Variants in MEG3 observed in about 807,000 individuals in gnomAD.
The protein encoded by MEG3 is Very putative protein from MEG3 locus.
chr14:100,854,495 T>C (rs2038179360), upstream of MEG3: 1 of 152,274 alleles, frequency 6.6e-6, no homozygotes, highest in Non-Finnish European at 1.5e-5. Context: ...CTGTTTGATG[T>C]TAGGATTTGC....
chr14:100,860,764 C>T, exon 2 of MEG3: 1 of 454,400 alleles, frequency 2.2e-6, no homozygotes, highest in Non-Finnish European at 4.4e-6. Flanking sequence ...GGACCCGGGG[C>T]CTCCCCTTGA....
exon 1 of MEG3, chr14:100,834,663 A>G (rs1005212972): frequency 1.6e-4 from 73 of 455,458 alleles, no homozygotes; most frequent in Non-Finnish European, 2.3e-4. Flanking sequence ...GGTGCCCTTG[A>G]CCAGCCCCGT....
chr14:100,845,475 A>G lies in MEG3; in HGVS notation n.3063A>G, dbSNP rs527824251. The G allele has an allele frequency of 2.2e-6, 1 of 456,806 alleles. No individual in the cohort carries two copies. Among genetic ancestry groups the G allele is most frequent in the Admixed American group, 2.3e-5 (1 of 42,580 alleles). The allele number at this position is 456,806 out of a possible 1,614,324, so 28.3% of individuals were successfully genotyped here. The stretch of plus-strand genomic sequence containing the variant: ...TGTTACAGCGGAAGCCATCACCTGG[A>G]TGCCTACGTGGGAAGGGACCTCGAA... On this transcript the variant is annotated non_coding_transcript_exon_variant, in exon 3 of 4. Coordinates refer to the MEG3 transcript ENST00000398461. The surrounding 1 kb of genome is among the most constrained non-coding windows in gnomAD (Gnocchi z 5.2).
chr14:100,834,230 C>G (rs2400941), exon 1 of MEG3: 44,162 of 156,440 alleles, frequency 0.28, 7,163 homozygotes, highest in Non-Finnish European at 0.36. Context: ...AGAAGACTTT[C>G]AATAGTAATG....
intron 3 of MEG3, chr14:100,848,553 CAGAA>C (rs772485654): frequency 6.7e-6 from 1 of 149,524 alleles, no homozygotes; most frequent in Non-Finnish European, 1.5e-5. Flanking sequence ...AAAAGAATGA[CAGAA>C]AGAAAGAGGG....
chr14:100,846,566 A>G (rs1239535633), intron 3 of MEG3: 1 of 152,258 alleles, frequency 6.6e-6, no homozygotes, highest in Non-Finnish European at 1.5e-5. Context: ...GTTGTTGTTG[A>G]GAGGTTGTTT....
At chr14:100,840,956 G>A (rs1267690039) in intron 2 of MEG3, among the ~76,000 whole-genome samples, 1 of 152,222 alleles carries the variant, frequency 6.6e-6, no homozygotes, top group Non-Finnish European at 1.5e-5. Context: ...CCTGGCAGTG[G>A]ACATAGAGTG....
intron 2 of MEG3, among the ~76,000 whole-genome samples, chr14:100,844,990 G>A (rs2037872141): frequency 2.6e-5 from 4 of 152,124 alleles, no homozygotes; most frequent in Admixed American, 2.6e-4. Flanking sequence ...GGGAAACGCT[G>A]CCCATTAATA....
chr14:100,846,594 T>A (rs540036090), intron 3 of MEG3: 1 of 152,376 alleles, frequency 6.6e-6, no homozygotes, highest in East Asian at 1.9e-4. Flanking sequence ...ATCTATTGCA[T>A]TGTATAATAA....
chr14:100,840,014 C>T (rs760685134), intron 2 of MEG3, among the ~76,000 whole-genome samples: 5 of 152,156 alleles, frequency 3.3e-5, no homozygotes, highest in Non-Finnish European at 5.9e-5. Flanking sequence ...CCTCTCAGCT[C>T]GCGTCACCCC....
exon 1 of MEG3, chr14:100,834,226 CTT>C (rs2037484140): frequency 6.4e-6 from 1 of 156,832 alleles, no homozygotes; most frequent in Non-Finnish European, 1.4e-5. Context: ...AATGAGAAGA[CTT>C]TCAATAGTAA....
intron 2 of MEG3, among the ~76,000 whole-genome samples, chr14:100,839,920 C>T (rs540359396): frequency 6.7e-6 from 1 of 150,338 alleles, no homozygotes; most frequent in South Asian, 2.1e-4. Flanking sequence ...AGGCCAGGGC[C>T]TGGGCCCTGA....
At position 100,836,500 on chromosome 14, in the gene MEG3, G is replaced by A. The variant is rs556192087; in HGVS notation, n.3045+200G>A. ...CCCTTGCTATACCCAGCAAGCATGT[G>A]TGGGGGTCCACCCTGGCTGATGGCA... On this transcript the variant is annotated intron_variant and non_coding_transcript_variant, in intron 2 of 3. Coordinates refer to the MEG3 transcript ENST00000398461. Among the ~76,000 whole-genome samples, 6 of 152,260 alleles carry A rather than the reference G, an allele frequency of 3.9e-5. No homozygotes were observed. The East Asian group carries it at 1.2e-3, about 29-fold the overall frequency.
chr14:100,836,870 C>T (rs1437135209), intron 2 of MEG3, among the ~76,000 whole-genome samples: 1 of 152,192 alleles, frequency 6.6e-6, no homozygotes, highest in Admixed American at 6.5e-5. Context: ...CCTTTCCTCA[C>T]CCCTGAAATT....
At chr14:100,833,294 C>T (rs2037450515), downstream of MEG3, 1 of 152,312 alleles carries the variant, frequency 6.6e-6, no homozygotes, top group Non-Finnish European at 1.5e-5. Flanking sequence ...GAGTCTCGCT[C>T]TGTCGCCCAG....
At chr14:100,838,272 C>A (rs921215330) in intron 2 of MEG3, among the ~76,000 whole-genome samples, 1 of 152,174 alleles carries the variant, frequency 6.6e-6, no homozygotes. Context: ...GCTTTGGCAG[C>A]CCCTGGCTCT....
intron 2 of MEG3, among the ~76,000 whole-genome samples, chr14:100,844,903 G>A (rs1056239299): frequency 2.6e-5 from 4 of 152,200 alleles, no homozygotes; most frequent in African/African-American, 4.8e-5. Flanking sequence ...GGTGCTTCCC[G>A]GGGCCTACTG....
chr14:100,834,871 G>A, exon 1 of MEG3: 2 of 452,246 alleles, frequency 4.4e-6, no homozygotes, highest in South Asian at 3.1e-5. Flanking sequence ...AGCAGCTTCC[G>A]ACCCCTGCCC....
chr14:100,858,826 G>T (rs1595312080), exon 1 of MEG3: 1 of 152,866 alleles, frequency 6.5e-6, no homozygotes, highest in East Asian at 1.9e-4. Context: ...CCCTCCTATT[G>T]CTCCCAAGAG....
Sources: gnomAD v4.1 joint callset for allele counts (sites outside exome capture counted in the v4.1 genomes callset) on GRCh38, gnomAD v4.1.1 for gene constraint, Gnocchi (gnomAD v3.1) non-coding constraint, MANE v1.5 for transcripts, NCBI Gene and HGNC (gene_info 2026-07-23, HGNC 2026-07-21) for gene names.